The following ADGRG3 variants were observed in gnomAD, a reference collection of about 807,000 sequenced individuals.
ADGRG3 encodes adhesion G protein-coupled receptor G3.
Under a neutral mutation model 54.3 loss-of-function variants are expected in ADGRG3, and 39 were observed. The ratio of observed to expected loss-of-function variants is 0.72; its 90% CI spans 0.56 to 0.94. The LOEUF (loss-of-function observed/expected upper bound fraction) is 0.94. Ranked by LOEUF, ADGRG3 falls within the 40% of genes least tolerant of loss-of-function variation. The probability of loss-of-function intolerance (pLI) is 0.00; values close to 1 mark genes in which losing one functional copy is unlikely to be tolerated. For synonymous variants in ADGRG3, 312 were observed against 290.0 expected (o/e 1.08, Z -0.77); for missense variants, 654 against 694.6 (o/e 0.94, Z 0.66).
intron 1 of ADGRG3, among the ~76,000 whole-genome samples, chr16:57,671,132 T>C (rs1417825761): frequency 6.6e-6 from 1 of 152,114 alleles, no homozygotes; most frequent in Admixed American, 6.6e-5. Context: ...CTCAAACTCC[T>C]TAAATGGAAA....
intron 2 of ADGRG3, among the ~76,000 whole-genome samples, chr16:57,675,398 G>A (rs936168882): frequency 3.9e-5 from 6 of 152,220 alleles, no homozygotes; most frequent in Admixed American, 3.3e-4. Context: ...GCCGAGGCAA[G>A]CGGATCGCTT....
intron 1 of ADGRG3, among the ~76,000 whole-genome samples, chr16:57,669,622 A>G (rs569868654): frequency 6.6e-6 from 1 of 152,184 alleles, no homozygotes; most frequent in African/African-American, 2.4e-5. Flanking sequence ...GAGCTCTGAG[A>G]GGTCTACACA....
intron 2 of ADGRG3, among the ~76,000 whole-genome samples, chr16:57,675,018 C>A (rs1266306659): frequency 1.5e-4 from 19 of 128,362 alleles, no homozygotes; most frequent in South Asian, 2.4e-4. Flanking sequence ...AAAAAAGCAG[C>A]AGCAGCAGCA....
intron 11 of ADGRG3, 42 bp from the exon 12 acceptor site, chr16:57,688,310 C>G: frequency 7.7e-7 from 1 of 1,293,992 alleles, no homozygotes; most frequent in Non-Finnish European, 1.1e-6. Context: ...CACTCTCTGC[C>G]CACCCCTTTC....
chr16:57,679,379 T>C (rs1439379326), intron 5 of ADGRG3, 68 bp downstream of exon 5: 32 of 1,544,446 alleles, frequency 2.1e-5, no homozygotes, highest in Non-Finnish European at 2.7e-5. Context: ...CCTGGGCCCA[T>C]GGGCCCTGCA....
upstream of ADGRG3, among the ~76,000 whole-genome samples, chr16:57,666,878 G>A (rs1327189015): frequency 6.6e-6 from 1 of 152,220 alleles, no homozygotes; most frequent in African/African-American, 2.4e-5. Context: ...TGAGGGCCCA[G>A]GTGCCAGGAT....
chr16:57,674,430 G>A (rs748039677), intron 2 of ADGRG3, among the ~76,000 whole-genome samples: 9 of 152,164 alleles, frequency 5.9e-5, no homozygotes, highest in Non-Finnish European at 1.3e-4. Context: ...TAACTCTTCT[G>A]GGATGCCTAG....
intron 3 of ADGRG3, among the ~76,000 whole-genome samples, chr16:57,676,716 A>G (rs1248957018): frequency 6.6e-6 from 1 of 152,212 alleles, no homozygotes; most frequent in African/African-American, 2.4e-5. Flanking sequence ...CAAGATTAAC[A>G]TGGCCAGGTG....
At chr16:57,687,902 T>C (rs1597784878) in intron 11 of ADGRG3, among the ~76,000 whole-genome samples, 1 of 152,230 alleles carries the variant, frequency 6.6e-6, no homozygotes, top group East Asian at 1.9e-4. Flanking sequence ...ATTGAACTCT[T>C]CTCAATATTT....
chr16:57,666,712 G>A (rs1191711411), upstream of ADGRG3, among the ~76,000 whole-genome samples: 2 of 152,170 alleles, frequency 1.3e-5, no homozygotes, highest in Non-Finnish European at 2.9e-5. Context: ...GGCGTTTCAG[G>A]GAAGGGGCCT....
At position 57,680,314 on chromosome 16, in the gene ADGRG3, TG is replaced by T; in HGVS notation, c.718del (p.Glu240ArgfsTer10). ...SEGCSTEVRP[E>X]GTVCCCDHLT... ...AGGGCTGCTCCACGGAGGTCAGACC[TG>T]AGGGGACCGTGTGCTGCTGTGACCA... On this transcript the variant is annotated frameshift_variant, in exon 7 of 12. Coordinates refer to ENST00000333493, the MANE Select transcript of ADGRG3 (RefSeq NM_170776.5). LOFTEE classifies it high-confidence loss of function. 1 of 1,611,606 alleles carries T rather than the reference TG, an allele frequency of 6.2e-7. No individual in the cohort carries two copies. The highest frequency in any genetic ancestry group is 8.5e-7 in the Non-Finnish European group (1 of 1,179,274).
intron 1 of ADGRG3, among the ~76,000 whole-genome samples, chr16:57,671,654 GCA>G (rs2148694426): frequency 6.6e-6 from 1 of 152,210 alleles, no homozygotes; most frequent in South Asian, 2.1e-4. Flanking sequence ...GTGTTTTAAA[GCA>G]CATACAGTTA....
intron 1 of ADGRG3, among the ~76,000 whole-genome samples, chr16:57,669,899 G>T (rs2048122706): frequency 2.0e-5 from 3 of 152,158 alleles, no homozygotes; most frequent in African/African-American, 7.2e-5. Context: ...CGTGACAAAG[G>T]TGCGGGCAGG....
chr16:57,680,593 C>T lies in ADGRG3; in HGVS notation c.857C>T (p.Thr286Ile), dbSNP rs1327606987. ...CGVSMIFLAF[T>I]IILYAFLRLS... ...GTCTCCATGATCTTCCTGGCCTTCA[C>T]CATTATTCTTTATGCCTTTCTGAGG... Residue 286 changes from threonine to isoleucine, a missense_variant, in exon 8 of 12, where the codon ACC (threonine) becomes ATC (isoleucine). Coordinates refer to ENST00000333493, the MANE Select transcript of ADGRG3 (RefSeq NM_170776.5). The T allele has an allele frequency of 5.0e-6, 8 of 1,613,094 alleles. No homozygotes were observed. The African/African-American group carries it at 5.3e-5, about 11-fold the overall frequency.
In ADGRG3 at chr16:57,685,662, A is replaced by T; in HGVS notation, c.1276A>T (p.Thr426Ser). Reference protein sequence around the residue: ...SLELCWFREGTTMYALYITVH... With the variant: ...SLELCWFREGSTMYALYITVH... ...CTCCAGATGCTGGTTCCGTGAAGGG[A>T]CAACCATGTACGCCCTCTATATCAC... The change falls in exon 11 of 12, where the codon ACA (threonine) becomes TCA (serine). Residue 426 changes from threonine (T) to serine (S), a missense_variant. By Grantham distance (58) the Thr-to-Ser change is moderately conservative. Transcript: ENST00000333493. 2.5e-6 allele frequency: 4 copies of T among 1,614,122 alleles called. No homozygotes were observed. The highest frequency in any genetic ancestry group is 3.4e-6 in the Non-Finnish European group (4 of 1,179,986).
rs751605102 is a variant in ADGRG3, at chr16:57,675,545, C to T, written c.207-655C>T. On this transcript the variant is annotated intron_variant, in intron 2 of 11. Coordinates refer to ENST00000333493, the MANE Select transcript of ADGRG3 (RefSeq NM_170776.5). ...CCTCGGGAGGCTGAGGCAGCAGAAT[C>T]GCTTGAACCCGGGAGGCGGAGGTTG... is the stretch of plus-strand genomic sequence containing the variant. 1.3e-4 allele frequency among the ~76,000 whole-genome samples: 20 copies of T among 152,054 alleles called. 1 individual carries two copies. Among genetic ancestry groups the T allele is most frequent in the Admixed American group, 9.2e-4 (14 of 15,274 alleles).
chr16:57,667,277 G>T (rs2048076941), upstream of ADGRG3, among the ~76,000 whole-genome samples: 2 of 152,246 alleles, frequency 1.3e-5, no homozygotes, highest in African/African-American at 4.8e-5. Flanking sequence ...TGCCAGCCCC[G>T]TGGGCCAGAG....
chr16:57,677,402 G>C (rs2048283104), intron 3 of ADGRG3, among the ~76,000 whole-genome samples: 1 of 152,194 alleles, frequency 6.6e-6, no homozygotes. Flanking sequence ...GGCCAACATG[G>C]TGAAACCTTG....
chr16:57,667,244 A>G (rs1431657326), upstream of ADGRG3, among the ~76,000 whole-genome samples: 1 of 152,238 alleles, frequency 6.6e-6, no homozygotes. Flanking sequence ...CCCCAGTTCA[A>G]TCCCAAGGCT....
Sources: allele counts gnomAD v4.1 joint callset (sites outside exome capture counted in the v4.1 genomes callset), GRCh38; gene constraint gnomAD v4.1.1; transcripts MANE v1.5; gene names NCBI Gene and HGNC (gene_info 2026-07-23, HGNC 2026-07-21).